Variants in AGAP1 observed in about 807,000 individuals in gnomAD.
AGAP1 encodes the protein ArfGAP with GTPase domain, ankyrin repeat and PH domain 1, also known as arf-GAP with GTPase, ANK repeat and PH domain-containing protein 1.
AGAP1 carries 29 observed loss-of-function variants against 105.3 expected under a neutral mutation model. That is an observed-to-expected ratio of 0.28 (90% CI 0.21 to 0.38). The LOEUF (loss-of-function observed/expected upper bound fraction) is 0.38, where lower values mean the gene tolerates loss of function less well. Ranked by LOEUF, AGAP1 falls within the 10% of genes least tolerant of loss-of-function variation. The pLI is 1.00. For synonymous variants in AGAP1, 509 were observed against 485.9 expected, an observed-to-expected ratio of 1.05 and a Z score of -0.63; for missense variants, 998 against 1,165.1, an observed-to-expected ratio of 0.86 and a Z score of 2.09.
At chr2:236,117,584 T>C (rs2059801434) in intron 16 of AGAP1, among the ~76,000 whole-genome samples, 2 of 152,222 alleles carry the variant, frequency 1.3e-5, no homozygotes, top group Admixed American at 1.3e-4. Flanking sequence ...CCTGGGTGAT[T>C]TGGCAATGAC....
rs2058848255 is a variant in AGAP1, at chr2:236,083,738, C to T, written c.2114+34457C>T. On this transcript the variant is annotated intron_variant, in intron 16 of 17. Transcript: ENST00000304032. The surrounding 1 kb of genome is among the most constrained non-coding windows in gnomAD (Gnocchi z 5.3). ...ACCTTAAAAATACTGCACATTAAGTCTGTTTTTTTACAGAAGGATAAATGG... is the reference window on the plus strand; with the variant it reads ...ACCTTAAAAATACTGCACATTAAGTTTGTTTTTTTACAGAAGGATAAATGG... Among the ~76,000 whole-genome samples the T allele has an allele frequency of 6.6e-6, 1 of 152,052 alleles. No individual in the cohort carries two copies. The highest frequency in any genetic ancestry group is 1.5e-5 in the Non-Finnish European group (1 of 68,022).
At chr2:236,074,338 T>C (rs942079947) in intron 16 of AGAP1, among the ~76,000 whole-genome samples, 2 of 152,198 alleles carry the variant, frequency 1.3e-5, no homozygotes, top group Non-Finnish European at 2.9e-5. Flanking sequence ...TAGAATCAAC[T>C]GTAAAAGCTT....
Position 235,971,071 on chromosome 2 carries a change from C to T in AGAP1, c.1645+2448C>T, listed in dbSNP as rs2054622274. Reference sequence around the variant, plus strand: ...GTGACGTGTGTTTGGAAGTCCAAGGCAGAGGTTCCAAGGGAGCCACCTCAC... The same window carrying T: ...GTGACGTGTGTTTGGAAGTCCAAGGTAGAGGTTCCAAGGGAGCCACCTCAC... On this transcript the variant is annotated intron_variant, in intron 13 of 17. Coordinates refer to ENST00000304032, the MANE Select transcript of AGAP1 (RefSeq NM_001037131.3). This position sits in a 1 kb window ranked among gnomAD's most constrained non-coding sequence, Gnocchi z 4.8. Among the ~76,000 whole-genome samples, 1 of 152,184 alleles carries T rather than the reference C, an allele frequency of 6.6e-6. No homozygotes were observed. The highest frequency in any genetic ancestry group is 2.4e-5 in the African/African-American group (1 of 41,444).
rs2050141914 is a variant in AGAP1 at position 235,883,767 on chromosome 2, G to C, written c.1155+318G>C. On this transcript the variant is annotated intron_variant, in intron 10 of 17. Coordinates refer to ENST00000304032, the MANE Select transcript of AGAP1 (RefSeq NM_001037131.3). The surrounding 1 kb of genome is among the most constrained non-coding windows in gnomAD (Gnocchi z 4.5). The stretch of plus-strand genomic sequence containing the variant: ...CAAGGAGAAAAGAGAAAGGAGAGAA[G>C]AGTGGTCTATCTGAAAATCGAGAAT... 6.6e-6 allele frequency among the ~76,000 whole-genome samples: 1 copy of C among 152,186 alleles called. No individual in the cohort carries two copies. Among genetic ancestry groups the C allele is most frequent in the African/African-American group, 2.4e-5 (1 of 41,446 alleles).
rs1226445116 is a variant in AGAP1, at chr2:236,040,165, A to G, written c.1801-586A>G. On this transcript the variant is annotated intron_variant, in intron 14 of 17. Transcript: ENST00000304032. The surrounding 1 kb of genome is among the most constrained non-coding windows in gnomAD (Gnocchi z 5.6). The stretch of plus-strand genomic sequence containing the variant: ...AAAATAAAGCAAGCCATCAAGTGTA[A>G]GGTTAAGAATCAGCACTCCCAGCTA... Among the ~76,000 whole-genome samples the G allele has an allele frequency of 3.3e-5, 5 of 152,144 alleles. No individual in the cohort carries two copies. Among genetic ancestry groups the G allele is most frequent in the Non-Finnish European group, 7.3e-5 (5 of 68,042 alleles).
rs553073447 is a variant in AGAP1 at position 235,979,626 on chromosome 2, G to A, written c.1645+11003G>A. On this transcript the variant is annotated intron_variant, in intron 13 of 17. Transcript: ENST00000304032. The surrounding 1 kb of genome is among the most constrained non-coding windows in gnomAD (Gnocchi z 4.5). ...AGCGAACGTTCCGGCAGGCATTGCCGTGCACGGACACACAACTTCACAAGG... is the reference window on the plus strand; with the variant it reads ...AGCGAACGTTCCGGCAGGCATTGCCATGCACGGACACACAACTTCACAAGG... Among the ~76,000 whole-genome samples, 190 of 152,296 alleles carry A rather than the reference G, an allele frequency of 1.2e-3. 1 individual carries two copies. The highest frequency in any genetic ancestry group is 3.3e-3 in the South Asian group (16 of 4,824).
rs564011654 is a variant in AGAP1, at chr2:235,736,766, A to T, written c.311-4197A>T. 3.9e-5 allele frequency among the ~76,000 whole-genome samples: 6 copies of T among 152,124 alleles called. No individual in the cohort carries two copies. The highest frequency in any genetic ancestry group is 8.8e-5 in the Non-Finnish European group (6 of 68,014). On this transcript the variant is annotated intron_variant, in intron 3 of 17. Coordinates refer to ENST00000304032, the MANE Select transcript of AGAP1 (RefSeq NM_001037131.3). This position sits in a 1 kb window ranked among gnomAD's most constrained non-coding sequence, Gnocchi z 5.5. ...TGAGGTGGGAGGATCTTTTGAGCCT[A>T]GGCAGTCGAGGCTGCAGTGAGTCAT...
Position 235,736,892 on chromosome 2 carries a change from G to C in AGAP1, c.311-4071G>C, listed in dbSNP as rs895615692. On this transcript the variant is annotated intron_variant, in intron 3 of 17. Transcript: ENST00000304032. This position sits in a 1 kb window ranked among gnomAD's most constrained non-coding sequence, Gnocchi z 5.5. ...CAACAATGAAAAATCTAATGACTGG[G>C]ATGAGATCTGATGAAATGGTAGGTT... Among the ~76,000 whole-genome samples, 2 of 152,200 alleles carry C rather than the reference G, an allele frequency of 1.3e-5. No individual in the cohort carries two copies. The highest frequency in any genetic ancestry group is 4.8e-5 in the African/African-American group (2 of 41,450).
chr2:235,773,989 T>C (rs1575418161), intron 6 of AGAP1: 1 of 470,606 alleles, frequency 2.1e-6, no homozygotes, highest in South Asian at 1.6e-5. Context: ...CCCTCTAAGA[T>C]TTTTAACAAA....
intron 16 of AGAP1, among the ~76,000 whole-genome samples, chr2:236,100,473 GA>G (rs1005961675): frequency 6.6e-6 from 1 of 152,212 alleles, no homozygotes; most frequent in African/African-American, 2.4e-5. Context: ...ACTTAGGGGG[GA>G]AAAACACCTA....
rs1951256239 is a variant in AGAP1 at position 235,719,082 on chromosome 2, A to G, written c.310+1438A>G. Among the ~76,000 whole-genome samples, 1 of 152,218 alleles carries G rather than the reference A, an allele frequency of 6.6e-6. No individual in the cohort carries two copies. The stretch of plus-strand genomic sequence containing the variant: ...GTTATACAGAGGTTAACTCACCTGC[A>G]AATGAAATGACCACCTTTTCTAAGT... On this transcript the variant is annotated intron_variant, in intron 3 of 17. Coordinates refer to ENST00000304032, the MANE Select transcript of AGAP1 (RefSeq NM_001037131.3). This position sits in a 1 kb window ranked among gnomAD's most constrained non-coding sequence, Gnocchi z 4.9.
chr2:235,636,379 T>C (rs777560527), intron 1 of AGAP1, among the ~76,000 whole-genome samples: 3 of 152,048 alleles, frequency 2.0e-5, no homozygotes, highest in Non-Finnish European at 4.4e-5. Flanking sequence ...TCAGGGAGCG[T>C]TTGTGGGATC....
In AGAP1 at chr2:235,747,923, G is replaced by T. The variant is rs1031094020; in HGVS notation, c.539-2431G>T. On this transcript the variant is annotated intron_variant, in intron 5 of 17. Transcript: ENST00000304032. This position sits in a 1 kb window ranked among gnomAD's most constrained non-coding sequence, Gnocchi z 5.0. ...ATTGCCAAAGGATTCCTGGGCTGGGGTGAGGCCTCCGCCCGCTGGCGGGAG... is the reference window on the plus strand; with the variant it reads ...ATTGCCAAAGGATTCCTGGGCTGGGTTGAGGCCTCCGCCCGCTGGCGGGAG... Among the ~76,000 whole-genome samples the T allele has an allele frequency of 2.6e-5, 4 of 152,236 alleles. No individual in the cohort carries two copies. The highest frequency in any genetic ancestry group is 2.6e-4 in the Admixed American group (4 of 15,282).
At chr2:235,815,716 A>T (rs753964246) in intron 9 of AGAP1, among the ~76,000 whole-genome samples, 2 of 152,216 alleles carry the variant, frequency 1.3e-5, no homozygotes, top group Non-Finnish European at 2.9e-5. Context: ...CATGCGTTAG[A>T]TAGGAAGCAT....
intron 16 of AGAP1, among the ~76,000 whole-genome samples, chr2:236,108,947 G>A (rs921327893): frequency 1.1e-4 from 16 of 152,102 alleles, no homozygotes; most frequent in African/African-American, 3.9e-4. Context: ...TTCTTTTCTG[G>A]GAATCCAACC....
Position 235,879,311 on chromosome 2 carries a change from A to G in AGAP1, c.1051-4034A>G, listed in dbSNP as rs1407010244. 6.6e-6 allele frequency among the ~76,000 whole-genome samples: 1 copy of G among 152,200 alleles called. No individual in the cohort carries two copies. The highest frequency in any genetic ancestry group is 1.5e-5 in the Non-Finnish European group (1 of 68,034). On this transcript the variant is annotated intron_variant, in intron 9 of 17. Transcript: ENST00000304032. This position sits in a 1 kb window ranked among gnomAD's most constrained non-coding sequence, Gnocchi z 5.0. ...GCCCCAGCCCAGCTAGACCACAGCC[A>G]TGACATGGCAAGCGGGGCAGCCAAG...
intron 1 of AGAP1, among the ~76,000 whole-genome samples, chr2:235,538,427 A>ATGTGTGTGTGTT (rs149281787): frequency 4.4e-5 from 6 of 135,418 alleles, no homozygotes; most frequent in African/African-American, 1.7e-4. Flanking sequence ...CTCAGCCACT[A>ATGTGTGTGTGTT]TGTGTGTGTG....
intron 11 of AGAP1, among the ~76,000 whole-genome samples, chr2:235,910,583 T>A (rs2051558067): frequency 6.6e-6 from 1 of 152,200 alleles, no homozygotes; most frequent in Admixed American, 6.5e-5. Flanking sequence ...CTGAAGGCTT[T>A]ATTACATTAG....
chr2:235,990,152 G>C (rs1038478846), intron 13 of AGAP1, among the ~76,000 whole-genome samples: 2 of 152,142 alleles, frequency 1.3e-5, no homozygotes, highest in Admixed American at 1.3e-4. Context: ...TGTCTTATTG[G>C]TTTAAATCAA....
Sources: allele counts gnomAD v4.1 joint callset (sites outside exome capture counted in the v4.1 genomes callset), GRCh38; gene constraint gnomAD v4.1.1; non-coding constraint Gnocchi (gnomAD v3.1); transcripts MANE v1.5; gene names NCBI Gene and HGNC (gene_info 2026-07-23, HGNC 2026-07-21).